NMNAT3: variants seen among roughly 807,000 people sequenced by gnomAD.
NMNAT3 encodes nicotinamide/nicotinic acid mononucleotide adenylyltransferase 3.
In NMNAT3, 21 loss-of-function variants were observed where a neutral mutation model predicts 24.8. That is an observed-to-expected ratio of 0.85 (90% CI 0.60 to 1.22). NMNAT3 has a LOEUF of 1.22. Ranked by LOEUF, NMNAT3 falls within the 50% of genes most tolerant of loss-of-function variation. The pLI, the probability that NMNAT3 is intolerant of heterozygous loss-of-function variation, is 0.00. For synonymous variants in NMNAT3, 136 were observed against 155.2 expected, an observed-to-expected ratio of 0.88 and a Z score of 0.92; for missense variants, 387 against 436.6, an observed-to-expected ratio of 0.89 and a Z score of 1.01.
intron 6 of NMNAT3, chr3:139,569,651 A>C (rs1037821111): frequency 1.8e-4 from 28 of 152,148 alleles, no homozygotes; most frequent in African/African-American, 6.3e-4. Context: ...TCTTTTCTTT[A>C]AGAATGTTGA....
At chr3:139,598,525 C>T (rs1048177261) in intron 3 of NMNAT3, among the ~76,000 whole-genome samples, 1 of 152,104 alleles carries the variant, frequency 6.6e-6, no homozygotes, top group African/African-American at 2.4e-5. Flanking sequence ...ACACCCAGCA[C>T]CAACTGCCAG....
chr3:139,570,881 C>T (rs1209845923), intron 6 of NMNAT3: 2 of 152,608 alleles, frequency 1.3e-5, no homozygotes, highest in South Asian at 2.1e-4. Flanking sequence ...CAGAGAGGGA[C>T]ATTTTAAGTC....
intron 3 of NMNAT3, among the ~76,000 whole-genome samples, chr3:139,622,831 A>AATATATATT (rs988016535): frequency 7.6e-6 from 1 of 130,846 alleles, no homozygotes; most frequent in African/African-American, 2.9e-5. Context: ...TATGATATAT[A>AATATATATT]ATATATATTA....
In NMNAT3 at chr3:139,627,625, G is replaced by A. The variant is rs199570484; in HGVS notation, c.100C>T (p.His34Tyr). 82 of 1,586,206 alleles carry A rather than the reference G, an allele frequency of 5.2e-5. No homozygotes were observed. The highest frequency in any genetic ancestry group is 6.7e-5 in the Non-Finnish European group (79 of 1,172,410). ...GGGCCCCCTGACTGACCTGTTTGGT[G>A]TAGGTGATCTCTGGCCACCTCAAAC... The change falls in exon 3 of 7, where the codon CAC (histidine) becomes TAC (tyrosine). Residue 34 changes from histidine (H) to tyrosine (Y), a missense_variant. Physicochemically the swap from His to Tyr is moderately conservative, Grantham distance 83. Around this residue, in one of 3 missense-constraint regions of NMNAT3, gnomAD observed 51 missense variants for 55.6 expected, o/e 0.92. Transcript: ENST00000643695.
chr3:139,654,858 A>G (rs1181097960), intron 1 of NMNAT3, among the ~76,000 whole-genome samples: 2 of 152,036 alleles, frequency 1.3e-5, no homozygotes, highest in East Asian at 3.8e-4. Flanking sequence ...ATGCCAGAAC[A>G]AGGGAGACAA....
intron 3 of NMNAT3, among the ~76,000 whole-genome samples, chr3:139,611,215 C>A (rs1576641349): frequency 6.6e-6 from 1 of 152,082 alleles, no homozygotes; most frequent in Non-Finnish European, 1.5e-5. Context: ...TTTCTTTCTT[C>A]CATGCATAGT....
At chr3:139,660,107 GC>G (rs1353553680) in intron 1 of NMNAT3, among the ~76,000 whole-genome samples, 1 of 152,176 alleles carries the variant, frequency 6.6e-6, no homozygotes, top group Non-Finnish European at 1.5e-5. Context: ...TACCACTCCA[GC>G]CAGTGTCAAC....
chr3:139,586,606 C>T (rs1349512265), intron 3 of NMNAT3, among the ~76,000 whole-genome samples: 1 of 152,170 alleles, frequency 6.6e-6, no homozygotes, highest in Non-Finnish European at 1.5e-5. Context: ...CAGTTTTTGA[C>T]TCCCACAACT....
chr3:139,589,781 A>G (rs1346973401), intron 3 of NMNAT3, among the ~76,000 whole-genome samples: 1 of 152,234 alleles, frequency 6.6e-6, no homozygotes, highest in Admixed American at 6.5e-5. Flanking sequence ...GCTATGGATC[A>G]GATTTGGCCC....
chr3:139,656,491 C>T (rs2108407571), intron 1 of NMNAT3, among the ~76,000 whole-genome samples: 1 of 152,174 alleles, frequency 6.6e-6, no homozygotes, highest in South Asian at 2.1e-4. Context: ...TTTAACGGGG[C>T]AGTCAAATAT....
rs879400536 is a variant in NMNAT3 at position 139,560,593 on chromosome 3, G to T, written c.*417C>A. Reference sequence around the variant, plus strand: ...CATCCTGTCAAATCTTTCCAATCAAGACTAGCATGCTGCACCTGGTCCTAG... The same window carrying T: ...CATCCTGTCAAATCTTTCCAATCAATACTAGCATGCTGCACCTGGTCCTAG... On this transcript the variant is annotated 3_prime_UTR_variant, in exon 7 of 7. Transcript: ENST00000643695. 1.2e-5 allele frequency: 2 copies of T among 171,234 alleles called. No homozygotes were observed. Among genetic ancestry groups the T allele is most frequent in the Non-Finnish European group, 2.5e-5 (2 of 79,928 alleles). The allele number at this position is 171,234 out of a possible 1,614,324, so 10.6% of individuals were successfully genotyped here.
rs534659705 is a variant in NMNAT3 at position 139,568,334 on chromosome 3, C to A, written c.658+5264G>T. On this transcript the variant is annotated intron_variant, in intron 6 of 6. Transcript: ENST00000643695. ...TTTTTTGAAGGGTGTTTTTGTGTCTCTATTTCCTTCAGTTCTGCTCTGATT... is the reference window on the plus strand; with the variant it reads ...TTTTTTGAAGGGTGTTTTTGTGTCTATATTTCCTTCAGTTCTGCTCTGATT... The A allele has an allele frequency of 5.3e-5, 8 of 152,252 alleles. No homozygotes were observed. The South Asian group carries it at 1.7e-3, about 32-fold the overall frequency. 9.4% of individuals were successfully genotyped at this position (152,252 alleles called of 1,614,324 possible). A position where few individuals can be genotyped will look rare whatever the true frequency, so the allele number is the denominator to read the frequency against.
intron 1 of NMNAT3, among the ~76,000 whole-genome samples, chr3:139,645,133 CA>C (rs1229021827): frequency 1.3e-5 from 2 of 152,002 alleles, no homozygotes; most frequent in East Asian, 1.9e-4. Flanking sequence ...ACCTGGGAGG[CA>C]GAGTTTGCAG....
intron 1 of NMNAT3, among the ~76,000 whole-genome samples, chr3:139,674,991 T>C (rs16849307): frequency 0.41 from 62,723 of 151,938 alleles, 13,185 homozygotes; most frequent in Non-Finnish European, 0.45. Flanking sequence ...TGGTGATACA[T>C]GGGAAAGTCA....
At chr3:139,633,864 A>G (rs911820049) in intron 2 of NMNAT3, among the ~76,000 whole-genome samples, 25 of 152,304 alleles carry the variant, frequency 1.6e-4, no homozygotes, top group African/African-American at 5.5e-4. Flanking sequence ...AAGCCTCTGA[A>G]CGATTTTAAA....
At chr3:139,562,339 G>A (rs1292634535) in intron 6 of NMNAT3, among the ~76,000 whole-genome samples, 1 of 152,176 alleles carries the variant, frequency 6.6e-6, no homozygotes, top group Non-Finnish European at 1.5e-5. Flanking sequence ...GCCCTTCCTA[G>A]AGTTCCAGAC....
At chr3:139,663,109 C>G (rs968308060) in intron 1 of NMNAT3, among the ~76,000 whole-genome samples, 8 of 152,198 alleles carry the variant, frequency 5.3e-5, no homozygotes, top group African/African-American at 1.9e-4. Context: ...GGGCTGTGTT[C>G]CTTTCTGGAG....
intron 3 of NMNAT3, among the ~76,000 whole-genome samples, chr3:139,588,847 A>G (rs1444494175): frequency 6.6e-6 from 1 of 152,222 alleles, no homozygotes; most frequent in Non-Finnish European, 1.5e-5. Flanking sequence ...AGAAGGATTA[A>G]GTATGTTTCC....
intron 3 of NMNAT3, chr3:139,610,070 G>C (rs578224491): frequency 2.0e-4 from 30 of 152,268 alleles, no homozygotes; most frequent in African/African-American, 7.2e-4. Context: ...GAGGTGAGAG[G>C]TATCATAATT....
Sources: allele counts gnomAD v4.1 joint callset (sites outside exome capture counted in the v4.1 genomes callset), GRCh38; gene constraint gnomAD v4.1.1; regional missense constraint gnomAD v4.1.1; transcripts MANE v1.5; gene names NCBI Gene and HGNC (gene_info 2026-07-23, HGNC 2026-07-21).